The following MEGF6 variants were observed in gnomAD, a reference collection of about 807,000 sequenced individuals.
MEGF6 encodes multiple EGF like domains 6, also known as multiple epidermal growth factor-like domains protein 6.
Under a neutral mutation model 207.1 loss-of-function variants are expected in MEGF6, and 184 were observed. That is an observed-to-expected ratio of 0.89 (90% CI 0.79 to 1.00). The LOEUF (loss-of-function observed/expected upper bound fraction) is 1.00, where lower values mean the gene tolerates loss of function less well. Ranked by LOEUF, MEGF6 falls within the 50% of genes least tolerant of loss-of-function variation. The pLI is 0.00. For synonymous variants in MEGF6, 1,038 were observed against 910.0 expected (o/e 1.14, Z -2.53); for missense variants, 2,282 against 2,202.9 (o/e 1.04, Z -0.72).
the MEGF6 span, among the ~76,000 whole-genome samples, chr1:3,620,048 C>T: frequency 3.0e-5 from 4 of 135,208 alleles, no homozygotes; most frequent in Non-Finnish European, 6.9e-5. Flanking sequence ...AGTAAAGAGA[C>T]TAGGAGCATT....
intron 4 of MEGF6, among the ~76,000 whole-genome samples, chr1:3,552,795 C>A (rs756202308): frequency 1.3e-5 from 2 of 152,168 alleles, no homozygotes; most frequent in Admixed American, 1.3e-4. Context: ...GCTCACCCAC[C>A]GGGCCCAGAC....
intron 4 of MEGF6, among the ~76,000 whole-genome samples, chr1:3,544,589 G>C (rs552336807): frequency 6.6e-6 from 1 of 152,274 alleles, no homozygotes; most frequent in Admixed American, 6.5e-5. Flanking sequence ...TGGCCAGCCT[G>C]GGGAGTGCTC....
In MEGF6 at chr1:3,524,248, T is replaced by A. The variant is rs754087141; in HGVS notation, c.482-2A>T. 3.7e-6 allele frequency: 6 copies of A among 1,608,052 alleles called. No individual in the cohort carries two copies. The highest frequency in any genetic ancestry group is 1.3e-5 in the African/African-American group (1 of 74,960). Reference sequence around the variant, plus strand: ...TGTGGGTTCGGCATTCGTCCACATCTGAGCAGGAATGGGGAAGGATCAGCA... The same window carrying A: ...TGTGGGTTCGGCATTCGTCCACATCAGAGCAGGAATGGGGAAGGATCAGCA... On this transcript the variant is annotated splice_acceptor_variant, in intron 4 of 36. Transcript: ENST00000356575. LOFTEE classifies it high-confidence loss of function.
chr1:3,505,039 AGGC>A (rs1641049495), intron 17 of MEGF6, among the ~76,000 whole-genome samples, 166 bp downstream of exon 17: 1 of 118,118 alleles, frequency 8.5e-6, no homozygotes. Context: ...CAGGCCGTCA[AGGC>A]AACACCGGTA....
chr1:3,615,534 G>A (rs1189737744), upstream of MEGF6, among the ~76,000 whole-genome samples: 1 of 152,242 alleles, frequency 6.6e-6, no homozygotes, highest in Non-Finnish European at 1.5e-5. Context: ...TCCACTGTTA[G>A]GTATGCCAAC....
chr1:3,509,346 C>G, intron 11 of MEGF6, 101 bp from the exon 12 acceptor site: 1 of 1,074,920 alleles, frequency 9.3e-7, no homozygotes. Flanking sequence ...CCCAGGGAAC[C>G]CCACCACCCT....
rs1640251849 is a variant in MEGF6 at position 3,489,139 on chromosome 1, C to T, written c.*1389G>A. On this transcript the variant is annotated 3_prime_UTR_variant, in exon 37 of 37. Transcript: ENST00000356575. ...CTCTCTGGCTGCTGCTTCTGCATCC[C>T]CACCATCCTGCCCTCCCTTATCACT... is the stretch of plus-strand genomic sequence containing the variant. Among the ~76,000 whole-genome samples, 1 of 152,190 alleles carries T rather than the reference C, an allele frequency of 6.6e-6. No homozygotes were observed. The highest frequency in any genetic ancestry group is 2.4e-5 in the African/African-American group (1 of 41,432).
chr1:3,490,792 C>A (rs1041746683), intron 36 of MEGF6, 120 bp downstream of exon 36: 5 of 1,353,404 alleles, frequency 3.7e-6, no homozygotes, highest in African/African-American at 1.5e-5. Flanking sequence ...ATTCCTGGGG[C>A]CCAAGGCCCC....
At chr1:3,518,708 G>A (rs971298747) in intron 5 of MEGF6, among the ~76,000 whole-genome samples, 5 of 152,214 alleles carry the variant, frequency 3.3e-5, no homozygotes, top group African/African-American at 9.6e-5. Flanking sequence ...CTGGTTTCAC[G>A]AGGCTTGTAA....
At chr1:3,555,523 T>C (rs112365592) in intron 4 of MEGF6, among the ~76,000 whole-genome samples, 2 of 152,294 alleles carry the variant, frequency 1.3e-5, no homozygotes, top group African/African-American at 4.8e-5. Context: ...GGCTCAGAAA[T>C]GAAAGCAGGA....
intron 4 of MEGF6, among the ~76,000 whole-genome samples, chr1:3,530,301 G>C (rs554641655): frequency 6.6e-6 from 1 of 152,336 alleles, no homozygotes; most frequent in South Asian, 2.1e-4. Flanking sequence ...CCTGGCACTC[G>C]AAACAGCTAA....
intron 1 of MEGF6, among the ~76,000 whole-genome samples, chr1:3,603,810 C>T (rs1644199784): frequency 6.6e-6 from 1 of 151,780 alleles, no homozygotes; most frequent in Non-Finnish European, 1.5e-5. Flanking sequence ...TCAGAGACTG[C>T]CCGCCCCGTC....
intron 10 of MEGF6, 90 bp from the exon 11 acceptor site, chr1:3,510,082 A>C (rs1009996721): frequency 2.9e-5 from 43 of 1,469,784 alleles, no homozygotes; most frequent in Non-Finnish European, 3.6e-5. Context: ...ACAGGACTGA[A>C]GCCCTGGTGG....
intron 2 of MEGF6, among the ~76,000 whole-genome samples, chr1:3,598,578 C>A (rs935359723): frequency 1.3e-5 from 2 of 152,308 alleles, no homozygotes; most frequent in African/African-American, 2.4e-5. Flanking sequence ...CTCCATCCCC[C>A]CAAAAGGGAA....
At chr1:3,561,934 C>T (rs1165874710) in intron 4 of MEGF6, among the ~76,000 whole-genome samples, 1 of 152,256 alleles carries the variant, frequency 6.6e-6, no homozygotes, top group Non-Finnish European at 1.5e-5. Flanking sequence ...AAGCCAAGAA[C>T]ATTCCTTGGT....
At chr1:3,499,472 CAG>C (rs1640756868) in intron 23 of MEGF6, 114 bp downstream of exon 23, 3 of 1,475,016 alleles carry the variant, frequency 2.0e-6, no homozygotes, top group Non-Finnish European at 2.7e-6. Context: ...GCATCACTCT[CAG>C]GGGGGTTGCC....
At chr1:3,501,695 G>C in intron 18 of MEGF6, 101 bp downstream of exon 18, 1 of 1,452,272 alleles carries the variant, frequency 6.9e-7, no homozygotes, top group South Asian at 1.4e-5. Flanking sequence ...CTATAGACGG[G>C]CCTGGGATCC....
At chr1:3,606,767 C>T (rs565470455) in intron 1 of MEGF6, among the ~76,000 whole-genome samples, 61 of 152,334 alleles carry the variant, frequency 4.0e-4, no homozygotes, top group African/African-American at 1.4e-3. Flanking sequence ...CCTTGAACTC[C>T]TTGCCATAAA....
rs367732353 is a variant in MEGF6 at position 3,509,130 on chromosome 1, C to A, written c.1473G>T (p.Gly491=). 54 of 1,601,062 alleles carry A rather than the reference C, an allele frequency of 3.4e-5. No homozygotes were observed. The African/African-American group carries it at 5.8e-4, about 17-fold the overall frequency. ...LPQLFQDDDV[G]ADEEEAELRG... Reference sequence around the variant, plus strand: ...GCAACTCTGCCTCTTCCTCATCGGCCCCGACGTCGTCATCCTGGAAGAGTT... The same window carrying A: ...GCAACTCTGCCTCTTCCTCATCGGCACCGACGTCGTCATCCTGGAAGAGTT... Residue 491 remains glycine (G), a synonymous_variant, in exon 12 of 37, where the codon GGG becomes GGT. Transcript: ENST00000356575.
Sources: gnomAD v4.1 joint callset for allele counts (sites outside exome capture counted in the v4.1 genomes callset) on GRCh38, gnomAD v4.1.1 for gene constraint, MANE v1.5 for transcripts, NCBI Gene and HGNC (gene_info 2026-07-23, HGNC 2026-07-21) for gene names.